The following NEGR1 variants were observed in gnomAD, a reference collection of about 807,000 sequenced individuals.
NEGR1 encodes the protein IgLON family member 4.
NEGR1 carries 10 observed loss-of-function variants against 40.9 expected under a neutral mutation model. The observed-to-expected ratio is 0.24, with a 90% CI of 0.15 to 0.42. The LOEUF (loss-of-function observed/expected upper bound fraction) is 0.42. Among genes scored for constraint, NEGR1 ranks in the 10% least tolerant of loss-of-function variants. NEGR1 has a pLI of 1.00. For synonymous variants in NEGR1, 185 were observed against 166.8 expected (o/e 1.11, Z -0.84); for missense variants, 352 against 438.9 (o/e 0.80, Z 1.77).
chr1:71,575,359 A>C (rs1350272035), intron 6 of NEGR1, among the ~76,000 whole-genome samples: 3 of 152,206 alleles, frequency 2.0e-5, no homozygotes, highest in African/African-American at 4.8e-5. Context: ...GACAAGACTA[A>C]GGGTATTGCC....
chr1:71,652,061 G>T (rs967069920), intron 4 of NEGR1, among the ~76,000 whole-genome samples: 1 of 152,110 alleles, frequency 6.6e-6, no homozygotes, highest in African/African-American at 2.4e-5. Context: ...GAGAAACTAA[G>T]GCTCAGAAAG....
chr1:71,595,833 G>T (rs1649690675), intron 5 of NEGR1, among the ~76,000 whole-genome samples: 1 of 152,072 alleles, frequency 6.6e-6, no homozygotes, highest in South Asian at 2.1e-4. Context: ...CAGCATATAT[G>T]ACCCTAATGT....
At chr1:72,035,535 T>C (rs1027408749) in intron 1 of NEGR1, among the ~76,000 whole-genome samples, 6 of 152,194 alleles carry the variant, frequency 3.9e-5, no homozygotes, top group Admixed American at 3.3e-4. Context: ...GCTTAAGTTT[T>C]AGACTTTGTG....
chr1:71,552,881 A>G (rs988436758), intron 6 of NEGR1, among the ~76,000 whole-genome samples: 2 of 151,494 alleles, frequency 1.3e-5, no homozygotes, highest in African/African-American at 2.4e-5. Context: ...AAACTGCCCA[A>G]TCCCTTGACA....
At chr1:71,942,314 T>A (rs908549941) in intron 1 of NEGR1, among the ~76,000 whole-genome samples, 6 of 149,854 alleles carry the variant, frequency 4.0e-5, no homozygotes, top group Non-Finnish European at 8.9e-5. Flanking sequence ...AAAATTAAGC[T>A]TTGTGAATTT....
intron 6 of NEGR1, among the ~76,000 whole-genome samples, chr1:71,454,889 C>T (rs929993786): frequency 6.6e-6 from 1 of 152,148 alleles, no homozygotes; most frequent in Admixed American, 6.5e-5. Context: ...CCTTAGGACA[C>T]CATTTTTTCC....
At chr1:71,457,764 G>GGCGC (rs1286151995) in intron 6 of NEGR1, among the ~76,000 whole-genome samples, 1 of 151,872 alleles carries the variant, frequency 6.6e-6, no homozygotes, top group Non-Finnish European at 1.5e-5. Flanking sequence ...GGAGTGCAGT[G>GGCGC]GATCTCGGCT....
intron 1 of NEGR1, among the ~76,000 whole-genome samples, chr1:72,044,580 C>T (rs940579653): frequency 6.6e-6 from 1 of 151,648 alleles, no homozygotes; most frequent in Non-Finnish European, 1.5e-5. Flanking sequence ...TTAGATTGGA[C>T]TGAATCATTA....
intron 6 of NEGR1, among the ~76,000 whole-genome samples, chr1:71,500,607 C>T (rs1327975947): frequency 6.6e-6 from 1 of 151,996 alleles, no homozygotes; most frequent in African/African-American, 2.4e-5. Flanking sequence ...GTTATCATTA[C>T]ATTAAAAAGT....
chr1:71,432,730 A>G (rs899613597), intron 6 of NEGR1, among the ~76,000 whole-genome samples: 1 of 152,194 alleles, frequency 6.6e-6, no homozygotes, highest in Non-Finnish European at 1.5e-5. Flanking sequence ...TGATCCAACA[A>G]TTCATCCAGG....
At chr1:71,836,713 G>T (rs1426177) in intron 2 of NEGR1, among the ~76,000 whole-genome samples, 5,164 of 151,976 alleles carry the variant, frequency 0.034, 127 homozygotes, top group Middle Eastern at 0.088. Flanking sequence ...TTTTATGTAT[G>T]CAGTACTCCT....
intron 2 of NEGR1, among the ~76,000 whole-genome samples, chr1:71,819,422 G>A (rs1171311536): frequency 1.3e-5 from 2 of 151,832 alleles, no homozygotes; most frequent in Non-Finnish European, 2.9e-5. Flanking sequence ...TCCTTAGAGA[G>A]GTTCGAGAAG....
rs921143988 is a variant in NEGR1, at chr1:71,626,971, G to A, written c.668-15825C>T. ...ATACCATCTCACACCAGTTAGAATGGCGATCATTCAAAAGTCAGGAAACAA... is the reference window on the plus strand; with the variant it reads ...ATACCATCTCACACCAGTTAGAATGACGATCATTCAAAAGTCAGGAAACAA... On this transcript the variant is annotated intron_variant, in intron 4 of 6. Transcript: ENST00000357731. Among the ~76,000 whole-genome samples the A allele has an allele frequency of 2.6e-5, 4 of 152,116 alleles. No individual in the cohort carries two copies. The East Asian group carries it at 7.7e-4, about 29-fold the overall frequency.
intron 1 of NEGR1, among the ~76,000 whole-genome samples, chr1:71,968,149 C>T (rs1383259019): frequency 6.6e-5 from 10 of 151,984 alleles, no homozygotes; most frequent in Non-Finnish European, 1.3e-4. Flanking sequence ...TCAATTTTTC[C>T]CTTCAGAAAT....
At chr1:71,775,694 T>TA in intron 3 of NEGR1, among the ~76,000 whole-genome samples, 1 of 149,358 alleles carries the variant, frequency 6.7e-6, no homozygotes, top group South Asian at 2.3e-4. Context: ...AGAGTAAGTA[T>TA]AAAAATATGC....
intron 6 of NEGR1, among the ~76,000 whole-genome samples, chr1:71,454,056 T>G (rs1646652248): frequency 6.6e-6 from 1 of 152,234 alleles, no homozygotes; most frequent in Admixed American, 6.5e-5. Flanking sequence ...TGAGCTCACT[T>G]TCTTATTTTT....
At chr1:72,139,672 A>G (rs574980974) in intron 1 of NEGR1, among the ~76,000 whole-genome samples, 59 of 152,210 alleles carry the variant, frequency 3.9e-4, no homozygotes, top group African/African-American at 1.4e-3. Context: ...ATGAAAACCA[A>G]TCTATCAATA....
chr1:71,618,017 C>T (rs1650498718), intron 4 of NEGR1, among the ~76,000 whole-genome samples: 1 of 152,158 alleles, frequency 6.6e-6, no homozygotes, highest in Non-Finnish European at 1.5e-5. Context: ...GGGAGAATGA[C>T]AACTGTGTTC....
chr1:71,466,921 G>T (rs1435654848), intron 6 of NEGR1, among the ~76,000 whole-genome samples: 1 of 152,072 alleles, frequency 6.6e-6, no homozygotes, highest in East Asian at 1.9e-4. Context: ...GCATTTCACA[G>T]AAGATTGTCA....
Sources: gnomAD v4.1 joint callset for allele counts (sites outside exome capture counted in the v4.1 genomes callset) on GRCh38, gnomAD v4.1.1 for gene constraint, MANE v1.5 for transcripts, NCBI Gene and HGNC (gene_info 2026-07-23, HGNC 2026-07-21) for gene names.